Variants in IGFL2 observed in about 807,000 individuals in gnomAD.
IGFL2 encodes the protein insulin growth factor-like family member 2.
Under a neutral mutation model 13.9 loss-of-function variants are expected in IGFL2, and 7 were observed. The ratio of observed to expected loss-of-function variants is 0.51; its 90% CI spans 0.29 to 0.95. The LOEUF is 0.95. Ranked by LOEUF, IGFL2 falls within the 40% of genes least tolerant of loss-of-function variation. The pLI is 0.08. For missense variants in IGFL2, 138 were observed against 147.8 expected, an observed-to-expected ratio of 0.93 and a Z score of 0.34; for synonymous variants, 55 against 55.8, an observed-to-expected ratio of 0.99 and a Z score of 0.07.
At chr19:46,167,327 G>A in the IGFL2 span, among the ~76,000 whole-genome samples, 16 of 152,162 alleles carry the variant, frequency 1.1e-4, no homozygotes, top group Admixed American at 1.0e-3. Flanking sequence ...CTGCGTGTGT[G>A]CAGGAGAGCC....
At chr19:46,103,260 C>CTTT in the IGFL2 span, among the ~76,000 whole-genome samples, 1,997 of 150,602 alleles carry the variant, frequency 0.013, 30 homozygotes, top group Middle Eastern at 0.027. Context: ...ACAGAGTCCC[C>CTTT]TTTTTTTTTA....
the IGFL2 span, among the ~76,000 whole-genome samples, chr19:46,129,892 T>C: frequency 6.6e-6 from 1 of 152,180 alleles, no homozygotes; most frequent in Non-Finnish European, 1.5e-5. Context: ...GATCCAGTGC[T>C]GAGTTCAGGT....
chr19:46,158,095 T>C (rs529012833), intron 1 of IGFL2, among the ~76,000 whole-genome samples: 35 of 152,310 alleles, frequency 2.3e-4, no homozygotes, highest in Non-Finnish European at 3.8e-4. Flanking sequence ...AGGACTTATA[T>C]GCTGAAAATT....
chr19:46,115,931 G>A, the IGFL2 span, among the ~76,000 whole-genome samples: 13 of 152,162 alleles, frequency 8.5e-5, no homozygotes, highest in African/African-American at 2.7e-4. Context: ...GAGGCTCGCC[G>A]GCTGACAGCT....
the IGFL2 span, among the ~76,000 whole-genome samples, chr19:46,085,068 G>A: frequency 3.3e-5 from 5 of 152,084 alleles, no homozygotes; most frequent in South Asian, 4.1e-4. Flanking sequence ...CTATTGGGTC[G>A]CTCTCCAAAA....
intron 1 of IGFL2, among the ~76,000 whole-genome samples, chr19:46,156,746 C>G (rs957878690): frequency 5.3e-5 from 8 of 151,422 alleles, no homozygotes; most frequent in Non-Finnish European, 7.4e-5. Flanking sequence ...AATAAAAGAG[C>G]AAAATAAACC....
the IGFL2 span, among the ~76,000 whole-genome samples, chr19:46,118,542 TG>T: frequency 1.3e-5 from 2 of 152,212 alleles, no homozygotes; most frequent in African/African-American, 4.8e-5. Context: ...GCCTCCGGCC[TG>T]ACATATGAAG....
the IGFL2 span, chr19:46,124,299 G>T: frequency 6.2e-7 from 1 of 1,610,732 alleles, no homozygotes; most frequent in Non-Finnish European, 8.5e-7. Flanking sequence ...GGAGGAGGAA[G>T]ACTGTTATCC....
At chr19:46,213,361 A>G in the IGFL2 span, 1 of 152,692 alleles carries the variant, frequency 6.5e-6, no homozygotes, top group Non-Finnish European at 1.5e-5. Context: ...AGGGCCAGAC[A>G]TGCCGTGACA....
the IGFL2 span, among the ~76,000 whole-genome samples, chr19:46,175,128 GA>G: frequency 1.3e-5 from 2 of 152,088 alleles, no homozygotes; most frequent in Admixed American, 1.3e-4. Context: ...ATTAATACAT[GA>G]ATCTGTCTCT....
chr19:46,179,030 C>G, the IGFL2 span, among the ~76,000 whole-genome samples: 3 of 151,800 alleles, frequency 2.0e-5, 1 homozygote, highest in Non-Finnish European at 4.4e-5. Context: ...AGAGAGAAGA[C>G]CAGGGTGGGA....
At chr19:46,089,511 C>T in the IGFL2 span, among the ~76,000 whole-genome samples, 6 of 152,108 alleles carry the variant, frequency 3.9e-5, no homozygotes. Flanking sequence ...TTTCTTTCAG[C>T]TTGAAAAACT....
the IGFL2 span, among the ~76,000 whole-genome samples, chr19:46,092,253 G>A: frequency 6.6e-6 from 1 of 152,116 alleles, no homozygotes; most frequent in Non-Finnish European, 1.5e-5. Context: ...TCAAACTCCT[G>A]GGCTCAAGCG....
chr19:46,155,219 C>G (rs1973751410), intron 1 of IGFL2, among the ~76,000 whole-genome samples: 1 of 152,190 alleles, frequency 6.6e-6, no homozygotes, highest in Non-Finnish European at 1.5e-5. Context: ...CAATTTCTAA[C>G]TAATATAGCA....
At chr19:46,126,972 T>C in the IGFL2 span, among the ~76,000 whole-genome samples, 2 of 152,148 alleles carry the variant, frequency 1.3e-5, no homozygotes, top group African/African-American at 4.8e-5. Context: ...GTCATTCCAA[T>C]TTGAAACTTA....
chr19:46,124,636 C>T, the IGFL2 span: 1 of 1,609,382 alleles, frequency 6.2e-7, no homozygotes, highest in Non-Finnish European at 8.5e-7. Context: ...CAAGATGCAG[C>T]ATCGTGGCCT....
At chr19:46,083,740 A>G in the IGFL2 span, among the ~76,000 whole-genome samples, 1 of 152,340 alleles carries the variant, frequency 6.6e-6, no homozygotes, top group Admixed American at 6.5e-5. Context: ...GAAGGACCTT[A>G]GCCACAGAAA....
At chr19:46,093,622 C>T in the IGFL2 span, among the ~76,000 whole-genome samples, 5 of 152,088 alleles carry the variant, frequency 3.3e-5, no homozygotes, top group Non-Finnish European at 4.4e-5. Context: ...ACATTATTGC[C>T]GATGTAGAAA....
the IGFL2 span, among the ~76,000 whole-genome samples, chr19:46,215,013 C>T: frequency 6.6e-6 from 1 of 151,996 alleles, no homozygotes; most frequent in Non-Finnish European, 1.5e-5. Flanking sequence ...TCAGCACATC[C>T]CATCAGTGTG....
Sources: allele counts gnomAD v4.1 joint callset (sites outside exome capture counted in the v4.1 genomes callset), GRCh38; gene constraint gnomAD v4.1.1; transcripts MANE v1.5; gene names NCBI Gene and HGNC (gene_info 2026-07-23, HGNC 2026-07-21).